CELF4: variants seen among roughly 807,000 people sequenced by gnomAD.
CELF4 encodes CUGBP Elav-like family member 4.
Under a neutral mutation model 59.9 loss-of-function variants are expected in CELF4, and 18 were observed. The ratio of observed to expected loss-of-function variants is 0.30; its 90% CI spans 0.21 to 0.45. The LOEUF (loss-of-function observed/expected upper bound fraction) is 0.45. CELF4 is among the 20% of genes least tolerant of loss of function. The pLI is 1.00. For missense variants in CELF4, 456 were observed against 689.0 expected, an observed-to-expected ratio of 0.66 and a Z score of 3.79; for synonymous variants, 261 against 267.1, an observed-to-expected ratio of 0.98 and a Z score of 0.22.
chr18:37,501,061 A>G (rs556746424), intron 1 of CELF4, among the ~76,000 whole-genome samples: 23 of 152,320 alleles, frequency 1.5e-4, no homozygotes, highest in Admixed American at 7.2e-4. Flanking sequence ...CCAAGGATTC[A>G]GGCCAGCTGA....
At chr18:37,561,864 T>C (rs1047693135) in intron 1 of CELF4, among the ~76,000 whole-genome samples, 1 of 152,170 alleles carries the variant, frequency 6.6e-6, no homozygotes, top group African/African-American at 2.4e-5. Context: ...ACAATGTCTT[T>C]CTCTTTGGAG....
At chr18:37,342,867 G>A (rs1445758737) in intron 2 of CELF4, among the ~76,000 whole-genome samples, 1 of 152,220 alleles carries the variant, frequency 6.6e-6, no homozygotes, top group African/African-American at 2.4e-5. Flanking sequence ...GCAGCGTGAA[G>A]GATTCTGTGG....
intron 3 of CELF4, among the ~76,000 whole-genome samples, chr18:37,315,854 G>A (rs2096851396): frequency 6.6e-6 from 1 of 152,178 alleles, no homozygotes; most frequent in South Asian, 2.1e-4. Context: ...TAAGCGGGGT[G>A]GGCACACACA....
chr18:37,264,383 G>C (rs1017490231), intron 10 of CELF4, among the ~76,000 whole-genome samples: 2 of 152,262 alleles, frequency 1.3e-5, no homozygotes, highest in African/African-American at 4.8e-5. Flanking sequence ...GAGGGGAGTA[G>C]GAAAGGTGCC....
chr18:37,325,171 A>G (rs34121967), intron 2 of CELF4, among the ~76,000 whole-genome samples: 34,906 of 151,864 alleles, frequency 0.23, 4,834 homozygotes, highest in East Asian at 0.65. Flanking sequence ...CGGGGGAGTG[A>G]GGCCATTCCT....
chr18:37,517,178 G>A (rs1248411486), intron 1 of CELF4, among the ~76,000 whole-genome samples: 1 of 152,198 alleles, frequency 6.6e-6, no homozygotes, highest in African/African-American at 2.4e-5. Flanking sequence ...GGAAGACAGG[G>A]CTGGCTGAGT....
intron 2 of CELF4, among the ~76,000 whole-genome samples, chr18:37,333,784 G>C (rs201484562): frequency 6.7e-6 from 1 of 150,012 alleles, no homozygotes; most frequent in Non-Finnish European, 1.5e-5. Context: ...CTCCATCCAT[G>C]CATCCATCCA....
intron 8 of CELF4, 111 bp downstream of exon 8, chr18:37,270,657 C>T: frequency 1.5e-6 from 2 of 1,324,730 alleles, no homozygotes; most frequent in Non-Finnish European, 2.1e-6. Context: ...GGGGTTTCAT[C>T]AAGGAATGGA....
chr18:37,496,895 T>C (rs1347241332), intron 1 of CELF4, among the ~76,000 whole-genome samples: 2 of 152,042 alleles, frequency 1.3e-5, no homozygotes, highest in African/African-American at 4.8e-5. Flanking sequence ...CCTCAATGAG[T>C]CAATCCCTCA....
intron 2 of CELF4, among the ~76,000 whole-genome samples, chr18:37,375,485 A>G (rs1317595056): frequency 6.6e-6 from 1 of 152,116 alleles, no homozygotes; most frequent in Non-Finnish European, 1.5e-5. Context: ...CCACCCCACC[A>G]AAGTCAGCTT....
chr18:37,351,833 C>T (rs954567927), intron 2 of CELF4, among the ~76,000 whole-genome samples: 1 of 152,054 alleles, frequency 6.6e-6, no homozygotes, highest in Non-Finnish European at 1.5e-5. Flanking sequence ...AGGCTGGTCT[C>T]ATACTCCTGG....
At position 37,539,274 on chromosome 18, in the gene CELF4, A is replaced by G. The variant is rs921481431; in HGVS notation, c.286+26082T>C. On this transcript the variant is annotated intron_variant, in intron 1 of 12. Transcript: ENST00000420428. ...ATGGCTCTGTTATTATCTTTATTTT[A>G]TAAAGAGAAAGCTGAAGCACAGAGA... Among the ~76,000 whole-genome samples the G allele has an allele frequency of 5.9e-5, 9 of 152,236 alleles. No homozygotes were observed. In the South Asian group the frequency reaches 8.3e-4, roughly 14 times the overall value.
At chr18:37,364,370 AG>A (rs1396078329) in intron 2 of CELF4, among the ~76,000 whole-genome samples, 1 of 152,204 alleles carries the variant, frequency 6.6e-6, no homozygotes, top group Non-Finnish European at 1.5e-5. Context: ...CAGCCACTTC[AG>A]GAATTGGCCC....
chr18:37,530,461 A>G (rs1444037232), intron 1 of CELF4, among the ~76,000 whole-genome samples: 1 of 152,144 alleles, frequency 6.6e-6, no homozygotes, highest in African/African-American at 2.4e-5. Flanking sequence ...GGGAGAAGCA[A>G]ATCCACCAGC....
chr18:37,333,792 C>T (rs2097659004), intron 2 of CELF4, among the ~76,000 whole-genome samples: 1 of 151,618 alleles, frequency 6.6e-6, no homozygotes, highest in Non-Finnish European at 1.5e-5. Context: ...ATGCATCCAT[C>T]CATCCATCCA....
intron 1 of CELF4, among the ~76,000 whole-genome samples, chr18:37,526,113 C>T (rs2099963575): frequency 6.6e-6 from 1 of 152,094 alleles, no homozygotes. Context: ...ATCTTTTTAC[C>T]TCTGGAGGAA....
intron 2 of CELF4, among the ~76,000 whole-genome samples, chr18:37,399,242 G>A (rs568057924): frequency 6.6e-6 from 1 of 152,184 alleles, no homozygotes; most frequent in South Asian, 2.1e-4. Flanking sequence ...GGTCATGAGG[G>A]GTCTGTCATG....
intron 2 of CELF4, among the ~76,000 whole-genome samples, chr18:37,328,676 T>C (rs2154529476): frequency 6.6e-6 from 1 of 152,340 alleles, no homozygotes; most frequent in East Asian, 1.9e-4. Flanking sequence ...TTGTGTGGAC[T>C]TGGCCCTGCT....
chr18:37,327,883 C>T (rs1225856910), intron 2 of CELF4, among the ~76,000 whole-genome samples: 1 of 152,208 alleles, frequency 6.6e-6, no homozygotes, highest in Non-Finnish European at 1.5e-5. Context: ...GCTTCCCTGT[C>T]ACTCCTCATT....
Sources: allele counts gnomAD v4.1 joint callset (sites outside exome capture counted in the v4.1 genomes callset), GRCh38; gene constraint gnomAD v4.1.1; transcripts MANE v1.5; gene names NCBI Gene and HGNC (gene_info 2026-07-23, HGNC 2026-07-21).